SLIT3: variants seen among roughly 807,000 people sequenced by gnomAD.
The protein encoded by SLIT3 is slit homolog 3 protein.
Under a neutral mutation model 184.0 loss-of-function variants are expected in SLIT3, and 68 were observed. The observed-to-expected ratio is 0.37, with a 90% confidence interval of 0.30 to 0.45. The LOEUF is 0.45. Among genes scored for constraint, SLIT3 ranks in the 20% least tolerant of loss-of-function variants. The pLI is 1.00. For missense variants in SLIT3, 1,707 were observed against 2,026.0 expected, an observed-to-expected ratio of 0.84 and a Z score of 3.02; for synonymous variants, 831 against 828.6, an observed-to-expected ratio of 1.00 and a Z score of -0.05.
At chr5:168,672,179 A>T (rs1273176193) in intron 33 of SLIT3, among the ~76,000 whole-genome samples, 4 of 152,168 alleles carry the variant, frequency 2.6e-5, no homozygotes, top group Admixed American at 1.3e-4. Flanking sequence ...TTCTGGGTGC[A>T]CCTGGAGCAG....
At chr5:169,244,916 G>T in intron 2 of SLIT3, 140 bp from the exon 3 acceptor site, 1 of 737,408 alleles carries the variant, frequency 1.4e-6, no homozygotes, top group Non-Finnish European at 2.3e-6. Flanking sequence ...AGTCTGATGG[G>T]ACAAGATAAC....
intron 16 of SLIT3, among the ~76,000 whole-genome samples, chr5:168,760,129 G>A (rs1483692581): frequency 1.3e-5 from 2 of 152,216 alleles, no homozygotes; most frequent in African/African-American, 4.8e-5. Flanking sequence ...GCACAAAGGG[G>A]ACTGTGAAGC....
chr5:168,890,544 T>C (rs1303686690), intron 4 of SLIT3, among the ~76,000 whole-genome samples: 2 of 152,240 alleles, frequency 1.3e-5, no homozygotes, highest in Non-Finnish European at 2.9e-5. Context: ...CTGTTAATTT[T>C]TAAAAATTTA....
intron 28 of SLIT3, among the ~76,000 whole-genome samples, chr5:168,695,807 T>A (rs1278370943): frequency 6.6e-6 from 1 of 152,204 alleles, no homozygotes; most frequent in Admixed American, 6.5e-5. Context: ...TGTTATGTTC[T>A]CTTTCTAATG....
chr5:168,823,431 C>T, intron 6 of SLIT3, 100 bp from the exon 7 acceptor site: 4 of 833,026 alleles, frequency 4.8e-6, no homozygotes, highest in Non-Finnish European at 8.5e-6. Context: ...GACCGCAAGA[C>T]CATGAGTCAA....
chr5:169,020,865 C>T (rs928636076), intron 4 of SLIT3, among the ~76,000 whole-genome samples: 2 of 152,202 alleles, frequency 1.3e-5, no homozygotes, highest in Non-Finnish European at 2.9e-5. Flanking sequence ...TTGTCTTCCC[C>T]ATCACTGACC....
At chr5:168,960,723 C>T (rs1227714090) in intron 4 of SLIT3, among the ~76,000 whole-genome samples, 1 of 152,204 alleles carries the variant, frequency 6.6e-6, no homozygotes, top group Non-Finnish European at 1.5e-5. Context: ...CCAGATAATG[C>T]TAAGATTCTA....
In SLIT3 at chr5:168,753,975, C is replaced by T. The variant is rs749317546; in HGVS notation, c.1718G>A (p.Arg573Gln). 6 of 1,606,092 alleles carry T rather than the reference C, an allele frequency of 3.7e-6. No homozygotes were observed. Among genetic ancestry groups the T allele is most frequent in the Non-Finnish European group, 3.4e-6 (4 of 1,178,226 alleles). ...GGCTGCTCCATCGAAAGCTCCCTCT[C>T]GCACCTCCTTGATCTTATTGTTACT... is the stretch of plus-strand genomic sequence containing the variant. ...NLSNNKIKEVREGAFDGAASV... is the reference protein window; with the variant it reads ...NLSNNKIKEVQEGAFDGAASV... Residue 573 changes from arginine (R) to glutamine (Q), a missense_variant, in exon 17 of 36, where the codon CGA becomes CAA. This residue lies in a region of SLIT3 where 1,307 missense variants were observed against 1,511.6 expected (regional missense o/e 0.86). Coordinates refer to ENST00000519560, the MANE Select transcript of SLIT3 (RefSeq NM_003062.4).
chr5:168,789,726 G>A (rs1756288410), intron 10 of SLIT3, 95 bp from the exon 11 acceptor site: 1 of 897,212 alleles, frequency 1.1e-6, no homozygotes, highest in Non-Finnish European at 1.8e-6. Flanking sequence ...CATTCAAAAT[G>A]GTAAGGATTA....
chr5:168,737,562 C>T (rs1214511725), intron 20 of SLIT3, among the ~76,000 whole-genome samples: 1 of 152,196 alleles, frequency 6.6e-6, no homozygotes, highest in Non-Finnish European at 1.5e-5. Flanking sequence ...ATAGTTGTGC[C>T]TGGAGCTATG....
intron 1 of SLIT3, chr5:169,263,629 C>T (rs759815617): frequency 4.5e-5 from 22 of 493,954 alleles, no homozygotes; most frequent in East Asian, 2.8e-4. Context: ...CATACAGATA[C>T]GCCCAACGTT....
At chr5:168,957,057 C>T (rs1192466522) in intron 4 of SLIT3, among the ~76,000 whole-genome samples, 2 of 151,538 alleles carry the variant, frequency 1.3e-5, no homozygotes, top group African/African-American at 2.4e-5. Context: ...GGTGAAACCC[C>T]GTCTCTACTC....
chr5:169,198,769 TAA>T (rs1415348072), intron 3 of SLIT3, among the ~76,000 whole-genome samples: 5 of 151,878 alleles, frequency 3.3e-5, no homozygotes, highest in African/African-American at 1.2e-4. Context: ...CCGTCTCTAC[TAA>T]AAATATAAAA....
chr5:169,217,150 A>C (rs74712305), intron 3 of SLIT3, among the ~76,000 whole-genome samples: 9,047 of 149,486 alleles, frequency 0.061, 370 homozygotes, highest in Middle Eastern at 0.1. Context: ...AAAAAAAAAA[A>C]AACTTAGACT....
chr5:168,857,856 A>G (rs1426756146), intron 5 of SLIT3, among the ~76,000 whole-genome samples: 1 of 152,218 alleles, frequency 6.6e-6, no homozygotes, highest in African/African-American at 2.4e-5. Context: ...AAAGCCCTCA[A>G]CGGTGTGCCT....
intron 32 of SLIT3, among the ~76,000 whole-genome samples, chr5:168,677,610 G>A (rs188490948): frequency 5.3e-4 from 81 of 152,218 alleles, no homozygotes; most frequent in East Asian, 2.3e-3. Flanking sequence ...CACCATCCCC[G>A]GCTAATTTTT....
chr5:168,887,436 CT>C (rs1332710438), intron 4 of SLIT3, among the ~76,000 whole-genome samples: 2 of 152,176 alleles, frequency 1.3e-5, no homozygotes, highest in Non-Finnish European at 2.9e-5. Context: ...TAATTATGAG[CT>C]GTATGATCAT....
chr5:169,001,401 G>A (rs145884998), intron 4 of SLIT3, among the ~76,000 whole-genome samples: 51 of 152,028 alleles, frequency 3.4e-4, no homozygotes, highest in African/African-American at 6.5e-4. Flanking sequence ...TTTTGAGTTC[G>A]GCTTGAACAA....
At chr5:169,016,197 T>C (rs1756369491) in intron 4 of SLIT3, among the ~76,000 whole-genome samples, 1 of 152,192 alleles carries the variant, frequency 6.6e-6, no homozygotes, top group African/African-American at 2.4e-5. Context: ...CCAAGTCTCC[T>C]GTTGAGTGCT....
Sources: gnomAD v4.1 joint callset for allele counts (sites outside exome capture counted in the v4.1 genomes callset) on GRCh38, gnomAD v4.1.1 for gene constraint, gnomAD v4.1.1 regional missense constraint, MANE v1.5 for transcripts, NCBI Gene and HGNC (gene_info 2026-07-23, HGNC 2026-07-21) for gene names.